Variants in KLF12 observed in about 807,000 individuals in gnomAD.
KLF12 encodes Krueppel-like factor 12.
A neutral mutation model predicts 37.8 loss-of-function variants in KLF12; 9 were observed. That is an observed-to-expected ratio of 0.24 (90% CI 0.14 to 0.42). The LOEUF (loss-of-function observed/expected upper bound fraction) is 0.42, where lower values mean the gene tolerates loss of function less well. Among genes scored for constraint, KLF12 ranks in the 10% least tolerant of loss-of-function variants. KLF12 has a pLI of 1.00. For missense variants in KLF12, 411 were observed against 516.0 expected (o/e 0.80, Z 1.97); for synonymous variants, 208 against 202.1 (o/e 1.03, Z -0.25).
intron 7 of KLF12, among the ~76,000 whole-genome samples, chr13:73,706,074 C>T (rs1332168093): frequency 6.6e-6 from 1 of 152,150 alleles, no homozygotes; most frequent in African/African-American, 2.4e-5. Flanking sequence ...ATCACTTGAA[C>T]CTGGGAGGCA....
At chr13:74,225,687 A>G in the KLF12 span, among the ~76,000 whole-genome samples, 2 of 152,180 alleles carry the variant, frequency 1.3e-5, no homozygotes. Flanking sequence ...ACGTACAAAC[A>G]GATAAAGTTA....
chr13:74,275,882 T>C, the KLF12 span, among the ~76,000 whole-genome samples: 263 of 63,556 alleles, frequency 4.1e-3, 4 homozygotes, highest in Middle Eastern at 0.015. Flanking sequence ...TTCTTTCTTC[T>C]TTCTTTCTTT....
At chr13:73,725,933 A>G (rs7995860) in intron 6 of KLF12, among the ~76,000 whole-genome samples, 22,594 of 151,480 alleles carry the variant, frequency 0.15, 2,719 homozygotes, top group African/African-American at 0.34. Context: ...CAATGGTGCT[A>G]TCTCGGCTCA....
chr13:73,893,786 A>G (rs1887625148), intron 3 of KLF12, among the ~76,000 whole-genome samples: 2 of 152,216 alleles, frequency 1.3e-5, no homozygotes, highest in Non-Finnish European at 2.9e-5. Context: ...GTCAAGAAAC[A>G]GGTGCTGTGC....
Position 73,764,997 on chromosome 13 carries a change from T to C in KLF12, c.810A>G (p.Val270=), listed in dbSNP as rs1173939212. 1.3e-6 allele frequency: 2 copies of C among 1,557,846 alleles called. No homozygotes were observed. Among genetic ancestry groups the C allele is most frequent in the Non-Finnish European group, 8.8e-7 (1 of 1,134,116 alleles). ...GGACCCTTGATACTGGGGACGGATG[T>C]ACCCTGTAGACAGAGAAGAATAATC... Residue 270 remains valine (V), a synonymous_variant, in exon 6 of 8, where the codon GTA becomes GTG. Transcript: ENST00000377669.
In KLF12 at chr13:73,845,998, C is replaced by A. The variant is rs138812420; in HGVS notation, c.499G>T (p.Val167Leu). Residue 167 changes from valine to leucine, a missense_variant, in exon 4 of 8, where the codon GTA becomes TTA. Physicochemically the swap from Val to Leu is conservative, Grantham distance 32 (BLOSUM62 1). Coordinates refer to ENST00000377669, the MANE Select transcript of KLF12 (RefSeq NM_007249.5). Reference sequence around the variant, plus strand: ...AAATTCATGGGACTTGAAGGCGGTACGGGATGGATAATGTGCAAAAACTGC... The same window carrying A: ...AAATTCATGGGACTTGAAGGCGGTAAGGGATGGATAATGTGCAAAAACTGC... 3 of 1,614,044 alleles carry A rather than the reference C, an allele frequency of 1.9e-6. No homozygotes were observed. Among genetic ancestry groups the A allele is most frequent in the South Asian group, 1.1e-5 (1 of 91,086 alleles).
At chr13:74,027,239 C>CA (rs1892998128) in intron 1 of KLF12, among the ~76,000 whole-genome samples, 1 of 152,146 alleles carries the variant, frequency 6.6e-6, no homozygotes, top group Non-Finnish European at 1.5e-5. Context: ...AATGAGAACT[C>CA]AAAGTGTAAA....
At chr13:74,156,801 A>T in the KLF12 span, among the ~76,000 whole-genome samples, 3 of 152,204 alleles carry the variant, frequency 2.0e-5, no homozygotes, top group Non-Finnish European at 4.4e-5. Context: ...AAATGACTGT[A>T]TCTCACTCTT....
chr13:73,838,388 C>T (rs923665593), intron 4 of KLF12, among the ~76,000 whole-genome samples: 7 of 152,020 alleles, frequency 4.6e-5, no homozygotes, highest in East Asian at 1.9e-4. Flanking sequence ...GATTCTTCAC[C>T]GTGTGTCTGT....
intron 1 of KLF12, among the ~76,000 whole-genome samples, chr13:74,005,026 AC>A (rs1209996954): frequency 6.6e-6 from 1 of 152,212 alleles, no homozygotes; most frequent in Non-Finnish European, 1.5e-5. Flanking sequence ...TTATGAAAAT[AC>A]ATTTCAAAAA....
the KLF12 span, among the ~76,000 whole-genome samples, chr13:74,301,144 A>G: frequency 6.6e-6 from 1 of 152,074 alleles, no homozygotes; most frequent in Admixed American, 6.6e-5. Flanking sequence ...ATTTTATTTT[A>G]TTTTTGTAGA....
the KLF12 span, among the ~76,000 whole-genome samples, chr13:74,183,488 A>T: frequency 1.3e-5 from 2 of 152,102 alleles, no homozygotes; most frequent in African/African-American, 4.8e-5. Context: ...CTCAGAAAAC[A>T]CTTTAATGTT....
chr13:74,019,641 T>C (rs1892789575), intron 1 of KLF12, among the ~76,000 whole-genome samples: 1 of 152,234 alleles, frequency 6.6e-6, no homozygotes, highest in Non-Finnish European at 1.5e-5. Context: ...AAAATACAAT[T>C]TCTCCTTTTC....
intron 6 of KLF12, among the ~76,000 whole-genome samples, chr13:73,758,545 C>G (rs1318624555): frequency 6.6e-6 from 1 of 152,082 alleles, no homozygotes; most frequent in African/African-American, 2.4e-5. Context: ...CAGGAATCAA[C>G]AAAGAGTACA....
At chr13:74,253,687 G>A in the KLF12 span, among the ~76,000 whole-genome samples, 1 of 152,178 alleles carries the variant, frequency 6.6e-6, no homozygotes, top group Admixed American at 6.5e-5. Context: ...CTATCTGCTA[G>A]AATAATAATA....
chr13:74,244,981 A>G, the KLF12 span, among the ~76,000 whole-genome samples: 1 of 152,192 alleles, frequency 6.6e-6, no homozygotes, highest in Non-Finnish European at 1.5e-5. Flanking sequence ...ATAGATTAAC[A>G]TATTTAGGAT....
At chr13:73,798,306 CTAT>C (rs1882106781) in intron 5 of KLF12, among the ~76,000 whole-genome samples, 1 of 152,076 alleles carries the variant, frequency 6.6e-6, no homozygotes, top group Admixed American at 6.6e-5. Flanking sequence ...AAGCCCCAAA[CTAT>C]AAAAACCTTG....
chr13:74,055,727 G>A (rs1318024680), intron 1 of KLF12, among the ~76,000 whole-genome samples: 1 of 152,108 alleles, frequency 6.6e-6, no homozygotes, highest in African/African-American at 2.4e-5. Context: ...AGCAACGGTG[G>A]CAGAGGGAAA....
chr13:74,062,442 T>C lies in KLF12; in HGVS notation c.-31-67389A>G, dbSNP rs545171967. On this transcript the variant is annotated intron_variant, in intron 1 of 7. Transcript: ENST00000377669. Reference sequence around the variant, plus strand: ...GATGATTTTATGATCAATCAAGTATTCATTTATGCTTTTCTCTTAAGCATC... The same window carrying C: ...GATGATTTTATGATCAATCAAGTATCCATTTATGCTTTTCTCTTAAGCATC... Among the ~76,000 whole-genome samples, 13 of 152,330 alleles carry C rather than the reference T, an allele frequency of 8.5e-5. No homozygotes were observed. The South Asian group carries it at 1.2e-3, about 15-fold the overall frequency.
Sources: allele counts gnomAD v4.1 joint callset (sites outside exome capture counted in the v4.1 genomes callset), GRCh38; gene constraint gnomAD v4.1.1; transcripts MANE v1.5; gene names NCBI Gene and HGNC (gene_info 2026-07-23, HGNC 2026-07-21).